Variants in COL8A1 observed in about 807,000 individuals in gnomAD.
COL8A1 encodes the protein collagen alpha-1(VIII) chain.
A neutral mutation model predicts 42.7 loss-of-function variants in COL8A1; 21 were observed. The ratio of observed to expected loss-of-function variants is 0.49; its 90% confidence interval spans 0.35 to 0.71. The LOEUF is 0.71. Ranked by LOEUF, COL8A1 falls within the 30% of genes least tolerant of loss-of-function variation. The pLI is 0.01. For missense variants in COL8A1, 788 were observed against 962.4 expected, an observed-to-expected ratio of 0.82 and a Z score of 2.40; for synonymous variants, 367 against 369.1, an observed-to-expected ratio of 0.99 and a Z score of 0.06.
At position 99,717,726 on chromosome 3, in the gene COL8A1, T is replaced by C. The variant is rs16841653; in HGVS notation, c.-128-27171T>C. On this transcript the variant is annotated intron_variant, in intron 1 of 3. Coordinates refer to ENST00000652472, the MANE Select transcript of COL8A1 (RefSeq NM_020351.4). Reference sequence around the variant, plus strand: ...CTTAAAACCTCTCTTACTCTAGTGATGGCTCTTATTTTTTTAACTAATGAT... The same window carrying C: ...CTTAAAACCTCTCTTACTCTAGTGACGGCTCTTATTTTTTTAACTAATGAT... Among the ~76,000 whole-genome samples the C allele has an allele frequency of 6.8e-3, 1,030 of 152,118 alleles. 14 individuals carry two copies. Among genetic ancestry groups the C allele is most frequent in the African/African-American group, 0.024 (984 of 41,532 alleles).
chr3:99,665,797 T>C (rs563330346), intron 1 of COL8A1, among the ~76,000 whole-genome samples: 1 of 145,984 alleles, frequency 6.9e-6, no homozygotes, highest in East Asian at 2.2e-4. Context: ...TTCTCCTGCC[T>C]CAGCTTCCCA....
chr3:99,707,912 A>ATTAT (rs1040791463), intron 1 of COL8A1, among the ~76,000 whole-genome samples: 11 of 151,992 alleles, frequency 7.2e-5, no homozygotes, highest in African/African-American at 2.7e-4. Flanking sequence ...TATTATTATT[A>ATTAT]TTATTTATTT....
At chr3:99,685,702 A>G (rs191885442) in intron 1 of COL8A1, among the ~76,000 whole-genome samples, 1 of 152,320 alleles carries the variant, frequency 6.6e-6, no homozygotes, top group Admixed American at 6.5e-5. Flanking sequence ...TTTCCTCTGG[A>G]TACTAAAAGC....
chr3:99,714,310 T>C (rs528475483), intron 1 of COL8A1, among the ~76,000 whole-genome samples: 295 of 152,164 alleles, frequency 1.9e-3, no homozygotes, highest in African/African-American at 6.8e-3. Context: ...TTACATTCTA[T>C]TTTCCCCAAG....
intron 2 of COL8A1, among the ~76,000 whole-genome samples, chr3:99,751,411 A>G (rs551948096): frequency 6.6e-6 from 1 of 152,286 alleles, no homozygotes; most frequent in African/African-American, 2.4e-5. Context: ...TACAAAAATT[A>G]GCCAGGTGTG....
intron 1 of COL8A1, among the ~76,000 whole-genome samples, chr3:99,660,050 A>G (rs1367435210): frequency 6.6e-6 from 1 of 152,252 alleles, no homozygotes. Flanking sequence ...CACCAAGCCC[A>G]GCTTCTCTGG....
At chr3:99,720,606 C>T (rs1395553176) in intron 1 of COL8A1, among the ~76,000 whole-genome samples, 1 of 152,112 alleles carries the variant, frequency 6.6e-6, no homozygotes, top group East Asian at 1.9e-4. Flanking sequence ...AAAAGGCAGC[C>T]TTTCATATAA....
intron 1 of COL8A1, among the ~76,000 whole-genome samples, chr3:99,711,180 C>T (rs1939823909): frequency 6.6e-6 from 1 of 152,132 alleles, no homozygotes; most frequent in African/African-American, 2.4e-5. Flanking sequence ...CATTACCTCA[C>T]ATATGAAATC....
At chr3:99,781,977 C>A (rs183927045) in intron 2 of COL8A1, among the ~76,000 whole-genome samples, 187 of 152,296 alleles carry the variant, frequency 1.2e-3, no homozygotes, top group Non-Finnish European at 2.1e-3. Context: ...TTGTACTTGT[C>A]ATTCTTATGA....
chr3:99,681,307 C>A (rs958558808), intron 1 of COL8A1, among the ~76,000 whole-genome samples: 2 of 152,100 alleles, frequency 1.3e-5, no homozygotes, highest in Non-Finnish European at 2.9e-5. Context: ...AAAAATCAAA[C>A]AACCCCATCA....
chr3:99,730,637 T>C (rs573624959), intron 1 of COL8A1, among the ~76,000 whole-genome samples: 88 of 152,242 alleles, frequency 5.8e-4, no homozygotes, highest in African/African-American at 2.1e-3. Flanking sequence ...GGAAAGTCTT[T>C]TTATTAAGAC....
chr3:99,749,928 T>C (rs1179426613), intron 2 of COL8A1, among the ~76,000 whole-genome samples: 1 of 152,000 alleles, frequency 6.6e-6, no homozygotes, highest in Non-Finnish European at 1.5e-5. Context: ...ATAATAGTGA[T>C]AAGTTATCTT....
At chr3:99,670,892 G>A (rs1938522195) in intron 1 of COL8A1, among the ~76,000 whole-genome samples, 1 of 151,852 alleles carries the variant, frequency 6.6e-6, no homozygotes, top group South Asian at 2.1e-4. Context: ...TTGAGATGGT[G>A]TATTATTTGC....
chr3:99,742,923 C>T (rs534306803), intron 1 of COL8A1, among the ~76,000 whole-genome samples: 2 of 152,136 alleles, frequency 1.3e-5, no homozygotes, highest in Non-Finnish European at 2.9e-5. Flanking sequence ...TGAAAAAAAT[C>T]TTATTGTCTA....
chr3:99,665,921 C>A (rs1424110451), intron 1 of COL8A1, among the ~76,000 whole-genome samples: 2 of 151,360 alleles, frequency 1.3e-5, no homozygotes, highest in Non-Finnish European at 2.9e-5. Flanking sequence ...GAACTTCTAA[C>A]CTCAAGTGAT....
rs114381438 is a variant in COL8A1 at position 99,674,752 on chromosome 3, G to A, written c.-129+36088G>A. On this transcript the variant is annotated intron_variant, in intron 1 of 3. Transcript: ENST00000652472. ...AAGTCTGCATGAAAATCAAATGTTT[G>A]AAGTTGGATCATTTCTTAAGTGCAT... Among the ~76,000 whole-genome samples, 530 of 152,212 alleles carry A rather than the reference G, an allele frequency of 3.5e-3. 1 individual carries two copies. Among genetic ancestry groups the A allele is most frequent in the African/African-American group, 0.011 (470 of 41,554 alleles).
chr3:99,775,594 G>T (rs1452996417), intron 2 of COL8A1, among the ~76,000 whole-genome samples: 1 of 152,158 alleles, frequency 6.6e-6, no homozygotes, highest in Non-Finnish European at 1.5e-5. Context: ...GTGCCATGAT[G>T]GCCAGCCTCT....
intron 1 of COL8A1, among the ~76,000 whole-genome samples, chr3:99,683,782 G>A (rs1938963439): frequency 6.6e-6 from 1 of 152,050 alleles, no homozygotes; most frequent in Admixed American, 6.6e-5. Flanking sequence ...CACATTGAAA[G>A]AAAAGCCCAA....
intron 1 of COL8A1, among the ~76,000 whole-genome samples, chr3:99,730,246 G>A (rs1940461958): frequency 6.6e-6 from 1 of 152,120 alleles, no homozygotes; most frequent in Admixed American, 6.6e-5. Flanking sequence ...CAAAGGACAT[G>A]TTTAACAAAT....
Sources: gnomAD v4.1 joint callset for allele counts (sites outside exome capture counted in the v4.1 genomes callset) on GRCh38, gnomAD v4.1.1 for gene constraint, MANE v1.5 for transcripts, NCBI Gene and HGNC (gene_info 2026-07-23, HGNC 2026-07-21) for gene names.